DOP1B: variants seen among roughly 807,000 people sequenced by gnomAD.
DOP1B encodes the protein protein DOP1B.
DOP1B carries 174 observed loss-of-function variants against 233.5 expected under a neutral mutation model. That is an observed-to-expected ratio of 0.75 (90% CI 0.66 to 0.85). The LOEUF is 0.85. Ranked by LOEUF, DOP1B falls within the 40% of genes least tolerant of loss-of-function variation. The pLI, the probability that DOP1B is intolerant of heterozygous loss-of-function variation, is 0.00. For missense variants in DOP1B, 2,652 were observed against 2,846.6 expected (o/e 0.93, Z 1.56); for synonymous variants, 1,190 against 1,185.6 (o/e 1.00, Z -0.08).
intron 2 of DOP1B, chr21:36,169,432 C>T: frequency 6.8e-6 from 7 of 1,027,944 alleles, no homozygotes; most frequent in South Asian, 5.1e-5. Context: ...TCCAGGCCAC[C>T]TTGCACAGGC....
At chr21:36,158,497 C>G (rs1027501712) in intron 1 of DOP1B, among the ~76,000 whole-genome samples, 16 of 152,122 alleles carry the variant, frequency 1.1e-4, no homozygotes, top group African/African-American at 3.9e-4. Context: ...TCACAGGACT[C>G]GTGTATTGCA....
rs2067061385 is a variant in DOP1B, at chr21:36,253,852, G to A, written c.5202G>A (p.Leu1734=). 1 of 1,613,952 alleles carries A rather than the reference G, an allele frequency of 6.2e-7. No homozygotes were observed. Among genetic ancestry groups the A allele is most frequent in the African/African-American group, 1.3e-5 (1 of 74,916 alleles). Residue 1734 remains leucine, a synonymous_variant, in exon 23 of 37, where the codon CTG becomes CTA. Transcript: ENST00000691173. ...CALSTLQTDT[L]LHLVKEVVKR... ...TCAGCACCCTGCAGACTGACACGCT[G>A]CTGCACCTGGTGAAGGAGGTGGTGA...
At chr21:36,287,883 C>T in intron 32 of DOP1B, 131 bp from the exon 33 acceptor site, 2 of 1,176,408 alleles carry the variant, frequency 1.7e-6, no homozygotes, top group Admixed American at 2.6e-5. Context: ...CCAAGCCTGG[C>T]CTGTAACACT....
At chr21:36,290,213 A>G (rs191659152) in intron 35 of DOP1B, among the ~76,000 whole-genome samples, 2 of 152,338 alleles carry the variant, frequency 1.3e-5, no homozygotes, top group East Asian at 3.9e-4. Context: ...CTGCAAAAGA[A>G]AGTCTTTTAG....
chr21:36,237,499 C>T (rs1189604693), intron 16 of DOP1B, 85 bp downstream of exon 16: 55 of 1,541,620 alleles, frequency 3.6e-5, no homozygotes, highest in Non-Finnish European at 4.6e-5. Context: ...TCCATTCGGT[C>T]GAAGTCTTTC....
chr21:36,239,874 C>G lies in DOP1B; in HGVS notation c.2986C>G (p.Leu996Val). 14 of 1,602,366 alleles carry G rather than the reference C, an allele frequency of 8.7e-6. No individual in the cohort carries two copies. The highest frequency in any genetic ancestry group is 3.4e-5 in the Admixed American group (2 of 58,692). Residue 996 changes from leucine (L) to valine (V), a missense_variant, in exon 18 of 37, where the codon CTC (leucine) becomes GTC (valine). Around this residue, in one of 3 missense-constraint regions of DOP1B, gnomAD observed 2,617 missense variants for 2,794.3 expected, o/e 0.94. Transcript: ENST00000691173. The stretch of plus-strand genomic sequence containing the variant: ...CTCCCTCGGGGACGTGGCTCGCATC[C>G]TCGAACCCGTGCTCCTGCTGCTGCT... ...ALSLGDVARI[L>V]EPVLLLLLQP...
intron 2 of DOP1B, among the ~76,000 whole-genome samples, chr21:36,175,449 A>G (rs900641415): frequency 3.3e-5 from 5 of 152,114 alleles, no homozygotes; most frequent in Non-Finnish European, 4.4e-5. Flanking sequence ...GTCAGACTGC[A>G]TTAGGGCTCA....
chr21:36,242,151 C>CATTATTGTTATTATTATT (rs60892353), intron 18 of DOP1B, among the ~76,000 whole-genome samples: 5,849 of 143,914 alleles, frequency 0.041, 219 homozygotes, highest in East Asian at 0.17. Context: ...GTTCCTTGGG[C>CATTATTGTTATTATTATT]ATTATTATTA....
intron 2 of DOP1B, among the ~76,000 whole-genome samples, chr21:36,196,799 A>C (rs912786682): frequency 6.6e-6 from 1 of 152,136 alleles, no homozygotes; most frequent in Non-Finnish European, 1.5e-5. Context: ...ATGCACCTGC[A>C]GTCCCAGCTA....
chr21:36,180,844 G>A (rs1330961136), intron 2 of DOP1B, among the ~76,000 whole-genome samples: 4 of 151,438 alleles, frequency 2.6e-5, no homozygotes, highest in African/African-American at 9.7e-5. Flanking sequence ...TTATGCCACT[G>A]CATTCCAGCC....
chr21:36,176,501 C>G (rs1487879022), intron 2 of DOP1B, among the ~76,000 whole-genome samples: 3 of 148,180 alleles, frequency 2.0e-5, no homozygotes, highest in African/African-American at 8.0e-5. Context: ...AAATTTGGGG[C>G]TATGATTTTA....
chr21:36,181,361 C>T (rs2066096406), intron 2 of DOP1B, among the ~76,000 whole-genome samples: 1 of 152,076 alleles, frequency 6.6e-6, no homozygotes, highest in African/African-American at 2.4e-5. Context: ...TCACTGCAAC[C>T]TCCGTCTCCC....
intron 3 of DOP1B, among the ~76,000 whole-genome samples, 200 bp downstream of exon 3, chr21:36,199,451 TTTA>T (rs1228791604): frequency 6.6e-6 from 1 of 152,128 alleles, no homozygotes; most frequent in Non-Finnish European, 1.5e-5. Context: ...TCTTTTTTTT[TTTA>T]AATTTAAGTT....
intron 1 of DOP1B, 50 bp from the exon 2 acceptor site, chr21:36,164,658 T>C: frequency 1.4e-6 from 2 of 1,426,618 alleles, no homozygotes; most frequent in Non-Finnish European, 1.9e-6. Context: ...GGGAATGATT[T>C]GTATCCCCAA....
chr21:36,233,283 C>T (rs1224716419), intron 15 of DOP1B, among the ~76,000 whole-genome samples: 2 of 152,176 alleles, frequency 1.3e-5, no homozygotes, highest in African/African-American at 2.4e-5. Context: ...CAACTGGGGC[C>T]CCAGTATTCT....
At chr21:36,232,599 A>G (rs763350057) in intron 14 of DOP1B, among the ~76,000 whole-genome samples, 7 of 152,040 alleles carry the variant, frequency 4.6e-5, no homozygotes, top group African/African-American at 1.4e-4. Flanking sequence ...ATTAGGGCCC[A>G]CCCTAACAAC....
Position 36,270,162 on chromosome 21 carries a change from G to A in DOP1B, c.5632+5G>A. On this transcript the variant is annotated splice_donor_5th_base_variant and intron_variant, in intron 27 of 36. Coordinates refer to ENST00000691173, the MANE Select transcript of DOP1B (RefSeq NM_001320714.2). ...ATGCTGAGGAGGACCTGTATGGTAG[G>A]TGGAGATGGGTTGGCTGATAGTGCC... The A allele has an allele frequency of 2.5e-6, 4 of 1,613,094 alleles. No individual in the cohort carries two copies. The highest frequency in any genetic ancestry group is 3.4e-6 in the Non-Finnish European group (4 of 1,179,592).
At chr21:36,204,872 C>G (rs541226266) in intron 4 of DOP1B, among the ~76,000 whole-genome samples, 313 of 152,140 alleles carry the variant, frequency 2.1e-3, no homozygotes, top group African/African-American at 7.1e-3. Context: ...CCAGGCTGGT[C>G]TTGAACTCCT....
chr21:36,160,603 G>C (rs373145889), intron 1 of DOP1B, among the ~76,000 whole-genome samples: 6 of 149,522 alleles, frequency 4.0e-5, no homozygotes, highest in African/African-American at 1.2e-4. Flanking sequence ...TCAGCCTCCC[G>C]AGTAGCTGGG....
Sources: gnomAD v4.1 joint callset for allele counts (sites outside exome capture counted in the v4.1 genomes callset) on GRCh38, gnomAD v4.1.1 for gene constraint, gnomAD v4.1.1 regional missense constraint, MANE v1.5 for transcripts, NCBI Gene and HGNC (gene_info 2026-07-23, HGNC 2026-07-21) for gene names.